The following KAZN variants were observed in gnomAD, a reference collection of about 807,000 sequenced individuals.
KAZN encodes kazrin.
Under a neutral mutation model 87.4 loss-of-function variants are expected in KAZN, and 40 were observed. The ratio of observed to expected loss-of-function variants is 0.46; its 90% CI spans 0.36 to 0.60. KAZN has a LOEUF of 0.60. KAZN is among the 20% of genes least tolerant of loss of function. KAZN has a pLI of 0.00. For synonymous variants in KAZN, 466 were observed against 458.3 expected (o/e 1.02, Z -0.22); for missense variants, 898 against 1,073.9 (o/e 0.84, Z 2.29).
intron 1 of KAZN, among the ~76,000 whole-genome samples, chr1:14,799,071 T>C (rs1645924768): frequency 6.6e-6 from 1 of 152,262 alleles, no homozygotes; most frequent in South Asian, 2.1e-4. Context: ...TGAGCCACTG[T>C]GCCTGGACTA....
chr1:13,954,646 T>G (rs1475074913), intron 1 of KAZN, among the ~76,000 whole-genome samples: 2 of 152,150 alleles, frequency 1.3e-5, no homozygotes, highest in Non-Finnish European at 2.9e-5. Context: ...GTGAACATAT[T>G]CTCTGAGGAC....
At chr1:14,337,220 G>T (rs927074530) in intron 2 of KAZN, among the ~76,000 whole-genome samples, 1 of 152,194 alleles carries the variant, frequency 6.6e-6, no homozygotes, top group Non-Finnish European at 1.5e-5. Flanking sequence ...ATTTTGAGAA[G>T]AATAAATATG....
At chr1:14,771,093 C>T (rs1038093040) in intron 1 of KAZN, among the ~76,000 whole-genome samples, 14 of 152,112 alleles carry the variant, frequency 9.2e-5, no homozygotes, top group African/African-American at 2.7e-4. Flanking sequence ...GCGGGGTGAG[C>T]AGGAATCCCA....
intron 2 of KAZN, among the ~76,000 whole-genome samples, chr1:14,323,716 T>C (rs1656208523): frequency 6.6e-6 from 1 of 152,208 alleles, no homozygotes; most frequent in South Asian, 2.1e-4. Context: ...TTCCCTGAGA[T>C]ATTTGGCCCA....
At chr1:14,517,094 A>G (rs1671339099) in intron 2 of KAZN, among the ~76,000 whole-genome samples, 1 of 152,128 alleles carries the variant, frequency 6.6e-6, no homozygotes, top group Admixed American at 6.5e-5. Context: ...AGAGAGGCAT[A>G]ATACCTACAC....
chr1:14,281,585 C>T (rs1013203997), intron 2 of KAZN, among the ~76,000 whole-genome samples: 1 of 152,184 alleles, frequency 6.6e-6, no homozygotes, highest in Non-Finnish European at 1.5e-5. Flanking sequence ...AGAAACAGAA[C>T]ATTCTAGAAG....
chr1:14,022,485 C>CAAAAAAAAAAAAAAAAA (rs58713618), intron 1 of KAZN, among the ~76,000 whole-genome samples: 7 of 110,506 alleles, frequency 6.3e-5, no homozygotes, highest in East Asian at 3.6e-4. Flanking sequence ...GTATTTAAAG[C>CAAAAAAAAAAAAAAAAA]AAAAAAAAAA....
intron 1 of KAZN, among the ~76,000 whole-genome samples, chr1:14,620,990 A>C (rs996775070): frequency 1.3e-5 from 2 of 152,140 alleles, no homozygotes; most frequent in Admixed American, 6.6e-5. Context: ...TGGAGCTGTC[A>C]CATCAGCCTC....
chr1:14,422,261 G>T lies in KAZN; in HGVS notation c.250-176722G>T, dbSNP rs925321128. Among the ~76,000 whole-genome samples, 8 of 152,324 alleles carry T rather than the reference G, an allele frequency of 5.3e-5. 1 individual carries two copies. The Middle Eastern group carries it at 0.01, about 194-fold the overall frequency. ...TCTGAGTGTGCTTCAGAGAACATCC[G>T]TGGGCTTCCGTGTTTACTCAGCTAT... On this transcript the variant is annotated intron_variant, in intron 2 of 16. Coordinates refer to the KAZN transcript ENST00000636203.
intron 2 of KAZN, among the ~76,000 whole-genome samples, chr1:14,228,149 A>G (rs1647463693): frequency 1.3e-5 from 2 of 152,126 alleles, no homozygotes; most frequent in Admixed American, 1.3e-4. Flanking sequence ...CTGAGTTCTG[A>G]CAATGATAGT....
At chr1:14,783,705 G>T (rs1270545942) in intron 1 of KAZN, among the ~76,000 whole-genome samples, 1 of 152,116 alleles carries the variant, frequency 6.6e-6, no homozygotes, top group Non-Finnish European at 1.5e-5. Context: ...TCACTCAGGC[G>T]GTGGCCTTGA....
chr1:14,764,508 T>C (rs886959596), intron 1 of KAZN, among the ~76,000 whole-genome samples: 1 of 150,932 alleles, frequency 6.6e-6, no homozygotes, highest in Non-Finnish European at 1.5e-5. Flanking sequence ...TGCCCCCCCA[T>C]AGAACGTAAG....
intron 1 of KAZN, among the ~76,000 whole-genome samples, chr1:14,847,309 C>T (rs1011414163): frequency 5.3e-5 from 8 of 152,138 alleles, no homozygotes; most frequent in African/African-American, 7.2e-5. Context: ...AGCTCAGGGG[C>T]GACAGTGGCC....
chr1:14,561,557 G>A (rs934567277), intron 2 of KAZN, among the ~76,000 whole-genome samples: 10 of 152,070 alleles, frequency 6.6e-5, no homozygotes, highest in East Asian at 1.9e-4. Flanking sequence ...TTCACATCCC[G>A]GAAGCTGGAG....
intron 8 of KAZN, among the ~76,000 whole-genome samples, chr1:15,093,866 G>C (rs778292787): frequency 6.6e-6 from 1 of 152,162 alleles, no homozygotes; most frequent in Non-Finnish European, 1.5e-5. Context: ...CCAGTTCCCG[G>C]CTTGACTTTT....
intron 1 of KAZN, chr1:14,929,806 G>T: frequency 1.0e-6 from 1 of 985,452 alleles, no homozygotes; most frequent in South Asian, 4.7e-5. Context: ...TCAAGGGAGA[G>T]GGAAGGTCAG....
Position 14,354,745 on chromosome 1 carries a change from A to G in KAZN, c.249+174153A>G, listed in dbSNP as rs117552226. On this transcript the variant is annotated intron_variant, in intron 2 of 16. Coordinates refer to the KAZN transcript ENST00000636203. ...GACCTGGATCAACTGGAACACCCAT[A>G]TATTGTTGGTGGGAGTATAAAATGT... Among the ~76,000 whole-genome samples, 126 of 152,162 alleles carry G rather than the reference A, an allele frequency of 8.3e-4. 2 individuals are homozygous for G. In the East Asian group the frequency reaches 0.022, roughly 27 times the overall value.
chr1:14,442,089 T>G (rs1292883309), intron 2 of KAZN, among the ~76,000 whole-genome samples: 1 of 152,212 alleles, frequency 6.6e-6, no homozygotes, highest in Non-Finnish European at 1.5e-5. Flanking sequence ...GACATCTTTC[T>G]AATTGACTTA....
In KAZN at chr1:14,773,285, G is replaced by A. The variant is rs1168563493; in HGVS notation, c.226+174062G>A. On this transcript the variant is annotated intron_variant, in intron 1 of 14. Coordinates refer to ENST00000376030, the MANE Select transcript of KAZN (RefSeq NM_201628.3). The surrounding 1 kb of genome is among the most constrained non-coding windows in gnomAD (Gnocchi z 5.9). ...TGGGGTGAGCTACAGTGGGACTGTG[G>A]CACACAGTGGTGGCCTGGCGTATGA... Among the ~76,000 whole-genome samples the A allele has an allele frequency of 6.6e-6, 1 of 152,104 alleles. No homozygotes were observed. The highest frequency in any genetic ancestry group is 2.4e-5 in the African/African-American group (1 of 41,430).
Sources: allele counts gnomAD v4.1 joint callset (sites outside exome capture counted in the v4.1 genomes callset), GRCh38; gene constraint gnomAD v4.1.1; non-coding constraint Gnocchi (gnomAD v3.1); transcripts MANE v1.5; gene names NCBI Gene and HGNC (gene_info 2026-07-23, HGNC 2026-07-21).